Variants in NFATC3 observed in about 807,000 individuals in gnomAD.
NFATC3 encodes nuclear factor of activated T cells 3, also known as nuclear factor of activated T-cells, cytoplasmic 3.
In NFATC3, 46 loss-of-function variants were observed where a neutral mutation model predicts 98.6. The ratio of observed to expected loss-of-function variants is 0.47; its 90% confidence interval spans 0.37 to 0.60. The LOEUF (loss-of-function observed/expected upper bound fraction) is 0.60. Ranked by LOEUF, NFATC3 falls within the 20% of genes least tolerant of loss-of-function variation. The pLI is 0.00. For synonymous variants in NFATC3, 512 were observed against 472.2 expected (o/e 1.08, Z -1.09); for missense variants, 1,256 against 1,295.5 (o/e 0.97, Z 0.47).
At chr16:68,217,056 G>C (rs979423798) in intron 9 of NFATC3, among the ~76,000 whole-genome samples, 1 of 152,072 alleles carries the variant, frequency 6.6e-6, no homozygotes, top group Non-Finnish European at 1.5e-5. Flanking sequence ...GTAGGAAGCT[G>C]TCTGGAATTC....
chr16:68,184,834 CAAAA>C (rs1334267212), intron 8 of NFATC3, among the ~76,000 whole-genome samples: 7 of 113,710 alleles, frequency 6.2e-5, no homozygotes, highest in Admixed American at 8.9e-5. Flanking sequence ...AACAAACAAA[CAAAA>C]AACACACAAA....
At chr16:68,187,759 A>T (rs1028400342) in intron 8 of NFATC3, among the ~76,000 whole-genome samples, 3 of 152,124 alleles carry the variant, frequency 2.0e-5, no homozygotes, top group Non-Finnish European at 4.4e-5. Context: ...GAGGAGAGAA[A>T]GTGCATGCTG....
At chr16:68,109,308 C>T (rs1042455270) in intron 1 of NFATC3, among the ~76,000 whole-genome samples, 2 of 152,132 alleles carry the variant, frequency 1.3e-5, no homozygotes, top group African/African-American at 4.8e-5. Flanking sequence ...TATCGAAGGC[C>T]TTTTCTGCAT....
chr16:68,085,805 G>T, intron 1 of NFATC3, 21 bp downstream of exon 1: 1 of 1,421,194 alleles, frequency 7.0e-7, no homozygotes, highest in East Asian at 2.9e-5. Flanking sequence ...GGCCAGGCGG[G>T]ACCGTGGAGC....
intron 1 of NFATC3, among the ~76,000 whole-genome samples, chr16:68,112,277 T>C (rs1195547546): frequency 7.4e-6 from 1 of 134,464 alleles, no homozygotes; most frequent in Non-Finnish European, 1.6e-5. Context: ...TCTTTTTTTT[T>C]TTTTTTTTTT....
At chr16:68,107,160 G>C (rs551942115) in intron 1 of NFATC3, among the ~76,000 whole-genome samples, 2 of 152,182 alleles carry the variant, frequency 1.3e-5, no homozygotes, top group South Asian at 4.1e-4. Context: ...TGGGCATTTG[G>C]GTTGATTCTA....
chr16:68,145,299 A>G (rs1177929931), intron 3 of NFATC3, among the ~76,000 whole-genome samples: 2 of 151,826 alleles, frequency 1.3e-5, no homozygotes, highest in African/African-American at 4.8e-5. Flanking sequence ...GTGCGCCACC[A>G]TGCCCAGCTA....
intron 9 of NFATC3, among the ~76,000 whole-genome samples, chr16:68,213,460 T>A (rs13334040): frequency 4.7e-5 from 7 of 147,384 alleles, no homozygotes; most frequent in African/African-American, 9.9e-5. Flanking sequence ...AAATAAAAAT[T>A]AAAAAAAAAA....
chr16:68,144,482 G>A (rs1028823475), intron 3 of NFATC3, among the ~76,000 whole-genome samples: 8 of 151,074 alleles, frequency 5.3e-5, no homozygotes, highest in Non-Finnish European at 8.8e-5. Flanking sequence ...AATAATATTC[G>A]TAACAACTAT....
Position 68,123,811 on chromosome 16 carries a change from C to T in NFATC3, c.1238+690C>T, listed in dbSNP as rs2036677978. On this transcript the variant is annotated intron_variant, in intron 2 of 9. Coordinates refer to ENST00000346183, the MANE Select transcript of NFATC3 (RefSeq NM_173165.3). Reference sequence around the variant, plus strand: ...ACCAGCCTGGGTGACATGGCAAAACCGTGTCTCTACAAAAAATACAAAAAT... The same window carrying T: ...ACCAGCCTGGGTGACATGGCAAAACTGTGTCTCTACAAAAAATACAAAAAT... Among the ~76,000 whole-genome samples, 5 of 135,076 alleles carry T rather than the reference C, an allele frequency of 3.7e-5. No homozygotes were observed. The South Asian group carries it at 7.2e-4, about 20-fold the overall frequency. The allele number at this position is 135,076 out of a possible 152,430, so 88.6% of individuals were successfully genotyped here.
intron 8 of NFATC3, among the ~76,000 whole-genome samples, chr16:68,184,058 A>G (rs1241870749): frequency 1.3e-5 from 2 of 151,880 alleles, no homozygotes; most frequent in Non-Finnish European, 2.9e-5. Flanking sequence ...TAACATGATC[A>G]GACTTGTGTT....
intron 1 of NFATC3, chr16:68,086,861 A>G (rs963434735): frequency 2.4e-6 from 2 of 845,314 alleles, no homozygotes. Flanking sequence ...TGTAGTACAT[A>G]ATTTATAATA....
chr16:68,164,025 C>T (rs1228694866), intron 4 of NFATC3, among the ~76,000 whole-genome samples: 4 of 152,046 alleles, frequency 2.6e-5, no homozygotes, highest in Non-Finnish European at 4.4e-5. Context: ...GCTGCAATCT[C>T]GGCACTTTGG....
intron 6 of NFATC3, among the ~76,000 whole-genome samples, chr16:68,176,102 C>T (rs757381424): frequency 3.3e-5 from 5 of 152,044 alleles, no homozygotes; most frequent in East Asian, 1.9e-4. Flanking sequence ...CTCAGCCTCC[C>T]GAGTAGCTGG....
At chr16:68,156,747 T>A (rs116159064) in intron 3 of NFATC3, among the ~76,000 whole-genome samples, 1 of 152,234 alleles carries the variant, frequency 6.6e-6, no homozygotes, top group East Asian at 1.9e-4. Context: ...CAGATCGCCC[T>A]GGCCAGCATG....
chr16:68,208,621 T>C (rs2041246591), intron 9 of NFATC3, among the ~76,000 whole-genome samples: 1 of 152,108 alleles, frequency 6.6e-6, no homozygotes. Flanking sequence ...TCCCAGCTAT[T>C]TGTGGGACTG....
In NFATC3 at chr16:68,122,186, T is replaced by C. The variant is rs757748170; in HGVS notation, c.303T>C (p.Gly101=). 5 of 1,614,018 alleles carry C rather than the reference T, an allele frequency of 3.1e-6. No individual in the cohort carries two copies. Among genetic ancestry groups the C allele is most frequent in the African/African-American group, 2.7e-5 (2 of 74,908 alleles). Residue 101 remains glycine, a synonymous_variant, in exon 2 of 10, where the codon GGT becomes GGC. Transcript: ENST00000346183. The part of the protein sequence containing the change: ...EIPESKYSPL[G]GPKPFECPSI... ...CTGAATCTAAATATAGCCCATTAGG[T>C]GGTCCCAAACCCTTTGAGTGCCCAA...
At chr16:68,103,480 G>A (rs139460256) in intron 1 of NFATC3, among the ~76,000 whole-genome samples, 1 of 152,200 alleles carries the variant, frequency 6.6e-6, no homozygotes, top group Admixed American at 6.5e-5. Flanking sequence ...AAAGGGTTGG[G>A]ATTACAGGCA....
chr16:68,144,076 G>A (rs931875407), intron 3 of NFATC3, among the ~76,000 whole-genome samples: 2 of 151,938 alleles, frequency 1.3e-5, no homozygotes, highest in Admixed American at 1.3e-4. Context: ...CTACAGACAG[G>A]GAGAAAACAT....
Sources: gnomAD v4.1 joint callset for allele counts (sites outside exome capture counted in the v4.1 genomes callset) on GRCh38, gnomAD v4.1.1 for gene constraint, MANE v1.5 for transcripts, NCBI Gene and HGNC (gene_info 2026-07-23, HGNC 2026-07-21) for gene names.